RHOA: variants seen among roughly 807,000 people sequenced by gnomAD.
RHOA encodes ras homolog family member A.
A neutral mutation model predicts 17.5 loss-of-function variants in RHOA; 3 were observed. The observed-to-expected ratio is 0.17, with a 90% CI of 0.08 to 0.44. The LOEUF is 0.44. Ranked by LOEUF, RHOA falls within the 20% of genes least tolerant of loss-of-function variation. RHOA has a pLI of 0.99. For synonymous variants in RHOA, 98 were observed against 88.4 expected (o/e 1.11, Z -0.61); for missense variants, 56 against 242.3 (o/e 0.23, Z 5.10).
intron 3 of RHOA, 133 bp from the exon 4 acceptor site, chr3:49,362,759 T>TG: frequency 1.4e-6 from 1 of 716,558 alleles, no homozygotes; most frequent in Non-Finnish European, 2.3e-6. Context: ...TGAAACTCAC[T>TG]AGTTTCAAAA....
chr3:49,396,454 A>G (rs539911372), intron 1 of RHOA, among the ~76,000 whole-genome samples: 1 of 152,000 alleles, frequency 6.6e-6, no homozygotes, highest in Non-Finnish European at 1.5e-5. Context: ...TCGCACCTGT[A>G]ATCCCAGTAC....
intron 1 of RHOA, among the ~76,000 whole-genome samples, chr3:49,404,611 CAAAAAAAAAAAA>C (rs71080508): frequency 1.8e-4 from 6 of 33,188 alleles, no homozygotes; most frequent in Non-Finnish European, 2.9e-4. Flanking sequence ...GACTCCGTCT[CAAAAAAAAAAAA>C]AAAAAAAAAA....
rs185246219 is a variant in RHOA, at chr3:49,359,982, G to A, written c.*227C>T. On this transcript the variant is annotated 3_prime_UTR_variant, in exon 5 of 5. Transcript: ENST00000418115. ...TTAGCGCCTGGTGTGTCAGGTGGGA[G>A]TGCAGAGGAGGGCTGTTAGAGCAGT... 14 of 453,854 alleles carry A rather than the reference G, an allele frequency of 3.1e-5. No homozygotes were observed. Among genetic ancestry groups the A allele is most frequent in the African/African-American group, 2.8e-4 (14 of 49,556 alleles). 28.1% of individuals were successfully genotyped at this position (453,854 alleles called of 1,614,324 possible).
chr3:49,365,143 G>GT (rs774772004), intron 3 of RHOA: 2,339 of 136,442 alleles, frequency 0.017, 32 homozygotes, highest in South Asian at 0.085. Flanking sequence ...TAGAACAGAA[G>GT]TTTTTTTTTT....
chr3:49,401,041 C>CAAAAAAAAAAAAAAA (rs57354041), intron 1 of RHOA, among the ~76,000 whole-genome samples: 1,202 of 67,476 alleles, frequency 0.018, 118 homozygotes, highest in Non-Finnish European at 0.021. Flanking sequence ...GACTCCGTCT[C>CAAAAAAAAAAAAAAA]AAAAAAAAAA....
At position 49,407,246 on chromosome 3, in the gene RHOA, T is replaced by G. The variant is rs986509614; in HGVS notation, c.-3+4574A>C. 2.6e-4 allele frequency among the ~76,000 whole-genome samples: 37 copies of G among 143,228 alleles called. 1 individual carries two copies. Among genetic ancestry groups the G allele is most frequent in the South Asian group, 1.9e-3 (8 of 4,214 alleles). The allele number at this position is 143,228 out of a possible 152,430, so 94.0% of individuals were successfully genotyped here. A position where few individuals can be genotyped will look rare whatever the true frequency, so the allele number is the denominator to read the frequency against. ...AAATCCTTTCCGTTTTTTTTTTTTTTTTTTTTTTTTTGAGTCTTGCACCGT... is the reference window on the plus strand; with the variant it reads ...AAATCCTTTCCGTTTTTTTTTTTTTGTTTTTTTTTTTGAGTCTTGCACCGT... On this transcript the variant is annotated intron_variant, in intron 1 of 4. Transcript: ENST00000418115.
At chr3:49,368,270 A>C (rs1055073495) in intron 3 of RHOA, among the ~76,000 whole-genome samples, 158 bp downstream of exon 3, 1 of 152,098 alleles carries the variant, frequency 6.6e-6, no homozygotes. Flanking sequence ...AAGGGACCCA[A>C]GGCCCACGCT....
intron 1 of RHOA, among the ~76,000 whole-genome samples, chr3:49,403,498 T>G (rs1004111009): frequency 6.6e-6 from 1 of 151,766 alleles, no homozygotes; most frequent in African/African-American, 2.4e-5. Flanking sequence ...GAGAATCACT[T>G]AAGGCCAGGA....
chr3:49,389,608 T>C (rs1462445119), intron 1 of RHOA, among the ~76,000 whole-genome samples: 5 of 152,036 alleles, frequency 3.3e-5, no homozygotes, highest in Non-Finnish European at 7.4e-5. Context: ...AGGAGCTCTG[T>C]TCTGTCCAGA....
Position 49,360,340 on chromosome 3 carries a change from T to C in RHOA, c.451A>G (p.Ile151Val). ...CACTCCATGTACCCAAAAGCGCCAA[T>C]CCTGTTTGCCATATCTCTGCCTTCT... Reference protein sequence around the residue: ...PEEGRDMANRIGAFGYMECSA... With the variant: ...PEEGRDMANRVGAFGYMECSA... The change falls in exon 5 of 5, where the codon ATT (isoleucine) becomes GTT (valine). Residue 151 changes from isoleucine (I) to valine (V), a missense_variant. Transcript: ENST00000418115. 5.6e-6 allele frequency: 9 copies of C among 1,613,730 alleles called. No individual in the cohort carries two copies. Among genetic ancestry groups the C allele is most frequent in the Non-Finnish European group, 7.6e-6 (9 of 1,179,902 alleles).
chr3:49,408,791 G>A (rs928045718), intron 1 of RHOA, among the ~76,000 whole-genome samples: 44 of 129,040 alleles, frequency 3.4e-4, no homozygotes, highest in African/African-American at 9.7e-4. Context: ...AAATACTTAA[G>A]ATCCTTTTTT....
chr3:49,393,546 C>G (rs1407587498), intron 1 of RHOA, among the ~76,000 whole-genome samples: 1 of 151,124 alleles, frequency 6.6e-6, no homozygotes, highest in Non-Finnish European at 1.5e-5. Flanking sequence ...GATCTACCTG[C>G]CTTGGCCTCC....
At chr3:49,371,197 C>A (rs2048141981) in intron 2 of RHOA, among the ~76,000 whole-genome samples, 1 of 152,034 alleles carries the variant, frequency 6.6e-6, no homozygotes, top group African/African-American at 2.4e-5. Flanking sequence ...TCAAAAGGGG[C>A]CTTTTCATTG....
At chr3:49,390,500 G>C (rs9842132) in intron 1 of RHOA, among the ~76,000 whole-genome samples, 1 of 151,812 alleles carries the variant, frequency 6.6e-6, no homozygotes, top group East Asian at 1.9e-4. Context: ...CTGACCACAG[G>C]TAATTCGCCT....
intron 1 of RHOA, among the ~76,000 whole-genome samples, chr3:49,380,497 G>A (rs894122534): frequency 6.6e-6 from 1 of 151,944 alleles, no homozygotes; most frequent in Non-Finnish European, 1.5e-5. Context: ...CACGAGGTCA[G>A]GAGTTTGAGA....
chr3:49,388,944 T>G (rs901506657), intron 1 of RHOA, among the ~76,000 whole-genome samples: 1 of 152,146 alleles, frequency 6.6e-6, no homozygotes, highest in Non-Finnish European at 1.5e-5. Context: ...ACAACATGGA[T>G]GAATCTTGAA....
At chr3:49,384,714 C>T (rs1050592270) in intron 1 of RHOA, among the ~76,000 whole-genome samples, 1 of 151,942 alleles carries the variant, frequency 6.6e-6, no homozygotes, top group African/African-American at 2.4e-5. Context: ...CACCATGTTG[C>T]CCAGGATGGT....
intron 4 of RHOA, chr3:49,361,086 CAAAA>C (rs749506733): frequency 7.9e-6 from 1 of 126,604 alleles, no homozygotes; most frequent in Non-Finnish European, 1.7e-5. Flanking sequence ...AAAAACAAAA[CAAAA>C]AAAAAAAACA....
intron 1 of RHOA, among the ~76,000 whole-genome samples, chr3:49,393,466 T>A (rs545975236): frequency 6.6e-6 from 1 of 151,792 alleles, no homozygotes; most frequent in African/African-American, 2.4e-5. Context: ...ACCACCACGT[T>A]TGGCTAATTG....
Sources: gnomAD v4.1 joint callset for allele counts (sites outside exome capture counted in the v4.1 genomes callset) on GRCh38, gnomAD v4.1.1 for gene constraint, MANE v1.5 for transcripts, NCBI Gene and HGNC (gene_info 2026-07-23, HGNC 2026-07-21) for gene names.